SLCO1C1: variants seen among roughly 807,000 people sequenced by gnomAD.
SLCO1C1 encodes OAT-RP-5.
In SLCO1C1, 70 loss-of-function variants were observed where a neutral mutation model predicts 76.4. That is an observed-to-expected ratio of 0.92 (90% confidence interval 0.76 to 1.12). The LOEUF (loss-of-function observed/expected upper bound fraction) is 1.12. SLCO1C1 is among the 50% of genes most tolerant of loss of function. The probability of loss-of-function intolerance (pLI) is 0.00; values close to 1 mark genes in which losing one functional copy is unlikely to be tolerated. For synonymous variants in SLCO1C1, 306 were observed against 286.1 expected (o/e 1.07, Z -0.70); for missense variants, 912 against 823.8 (o/e 1.11, Z -1.31).
intron 9 of SLCO1C1, among the ~76,000 whole-genome samples, chr12:20,729,271 G>A (rs35523198): frequency 0.24 from 35,939 of 152,036 alleles, 4,541 homozygotes; most frequent in Non-Finnish European, 0.26. Context: ...TCAAGCCAAC[G>A]TTATATTTGA....
intron 13 of SLCO1C1, among the ~76,000 whole-genome samples, chr12:20,747,767 A>T (rs1554149): frequency 0.43 from 65,917 of 151,656 alleles, 17,004 homozygotes; most frequent in South Asian, 0.63. Flanking sequence ...TGGGGTTTCA[A>T]GCAAAATAGA....
intron 7 of SLCO1C1, among the ~76,000 whole-genome samples, chr12:20,719,031 C>T (rs775333365): frequency 3.3e-5 from 5 of 151,698 alleles, no homozygotes; most frequent in African/African-American, 7.3e-5. Context: ...ACTATTTTTC[C>T]GATAGCATGT....
intron 13 of SLCO1C1, among the ~76,000 whole-genome samples, chr12:20,744,859 A>G (rs944118444): frequency 1.3e-5 from 2 of 152,148 alleles, no homozygotes; most frequent in Non-Finnish European, 2.9e-5. Context: ...ATAGCAAAAA[A>G]CTGGAAGTGA....
chr12:20,704,370 C>T (rs944422326), intron 3 of SLCO1C1, among the ~76,000 whole-genome samples: 5 of 151,212 alleles, frequency 3.3e-5, no homozygotes, highest in Admixed American at 6.6e-5. Context: ...GGAGTGTAGG[C>T]GAGAATAGGA....
chr12:20,717,009 G>T (rs574452035), intron 6 of SLCO1C1, 123 bp from the exon 7 acceptor site: 12 of 768,500 alleles, frequency 1.6e-5, no homozygotes, highest in Middle Eastern at 3.1e-4. Context: ...CTAAACACAT[G>T]CAAATGAGTT....
At chr12:20,705,894 T>C in intron 3 of SLCO1C1, 55 bp from the exon 4 acceptor site, 1 of 1,560,428 alleles carries the variant, frequency 6.4e-7, no homozygotes, top group South Asian at 1.1e-5. Context: ...TCAGTTATGC[T>C]GTTGACTTCT....
intron 4 of SLCO1C1, among the ~76,000 whole-genome samples, chr12:20,706,394 A>T (rs1241933456): frequency 6.6e-6 from 1 of 152,140 alleles, no homozygotes; most frequent in African/African-American, 2.4e-5. Flanking sequence ...TTAACATGGT[A>T]AATGTCAAAT....
chr12:20,711,047 A>G (rs999800743), intron 4 of SLCO1C1, among the ~76,000 whole-genome samples: 3 of 152,184 alleles, frequency 2.0e-5, no homozygotes, highest in Non-Finnish European at 2.9e-5. Flanking sequence ...CATAAAATAC[A>G]CTAACAACAG....
intron 3 of SLCO1C1, among the ~76,000 whole-genome samples, chr12:20,702,685 C>T (rs61623220): frequency 0.043 from 6,454 of 151,738 alleles, 231 homozygotes; most frequent in African/African-American, 0.091. Context: ...CTACTGATGG[C>T]CCTGCACTGA....
At chr12:20,706,331 G>A (rs1946775191) in intron 4 of SLCO1C1, among the ~76,000 whole-genome samples, 1 of 152,006 alleles carries the variant, frequency 6.6e-6, no homozygotes, top group Admixed American at 6.6e-5. Context: ...TACATGTTTT[G>A]AGTCAAATGC....
intron 9 of SLCO1C1, among the ~76,000 whole-genome samples, chr12:20,730,457 TATTAAC>T (rs946134071): frequency 1.6e-4 from 24 of 152,240 alleles, no homozygotes; most frequent in African/African-American, 5.8e-4. Flanking sequence ...TAGGAAAAAA[TATTAAC>T]ATTAATTAAG....
intron 8 of SLCO1C1, among the ~76,000 whole-genome samples, chr12:20,722,755 TC>T (rs779525593): frequency 6.6e-6 from 1 of 152,220 alleles, no homozygotes; most frequent in Non-Finnish European, 1.5e-5. Context: ...TGCCTGTGGC[TC>T]CCAGCTAGAT....
At chr12:20,696,540 T>G (rs1265896523) in intron 1 of SLCO1C1, among the ~76,000 whole-genome samples, 1 of 152,086 alleles carries the variant, frequency 6.6e-6, no homozygotes, top group East Asian at 1.9e-4. Flanking sequence ...GACTGATTAT[T>G]CAATGTTTTT....
At chr12:20,739,871 G>C (rs902750921) in intron 11 of SLCO1C1, among the ~76,000 whole-genome samples, 1 of 152,114 alleles carries the variant, frequency 6.6e-6, no homozygotes, top group Non-Finnish European at 1.5e-5. Context: ...TAACAATCTA[G>C]GCAAGAAATC....
chr12:20,701,307 A>T lies in SLCO1C1; in HGVS notation c.130-11A>T, dbSNP rs775923703. On this transcript the variant is annotated splice_polypyrimidine_tract_variant and intron_variant, in intron 2 of 14. Transcript: ENST00000266509. ...GGAGTCAGACTAAGTGTGACCTGTC[A>T]TATTTTCCAGGTGTTCTTGTGTGCC... is the stretch of plus-strand genomic sequence containing the variant. 6.7e-7 allele frequency: 1 copy of T among 1,489,556 alleles called. No homozygotes were observed. Among genetic ancestry groups the T allele is most frequent in the Non-Finnish European group, 9.1e-7 (1 of 1,101,640 alleles). The allele number at this position is 1,489,556 out of a possible 1,614,324, so 92.3% of individuals were successfully genotyped here.
intron 7 of SLCO1C1, among the ~76,000 whole-genome samples, chr12:20,720,647 C>G (rs1947617450): frequency 2.0e-5 from 3 of 152,170 alleles, no homozygotes; most frequent in Non-Finnish European, 4.4e-5. Context: ...AACAGCAAGA[C>G]AACTATAATT....
intron 9 of SLCO1C1, among the ~76,000 whole-genome samples, chr12:20,724,087 G>T (rs1215037344): frequency 6.6e-6 from 1 of 151,910 alleles, no homozygotes; most frequent in Non-Finnish European, 1.5e-5. Context: ...AGTTTTAAAA[G>T]ATTTTTCTCC....
At chr12:20,697,912 C>A (rs900222925) in intron 1 of SLCO1C1, among the ~76,000 whole-genome samples, 3 of 152,022 alleles carry the variant, frequency 2.0e-5, no homozygotes, top group Admixed American at 6.6e-5. Context: ...TTATCTGTTT[C>A]CATTATCGGC....
chr12:20,717,382 C>A (rs1947413797), intron 7 of SLCO1C1, 152 bp downstream of exon 7: 1 of 515,486 alleles, frequency 1.9e-6, no homozygotes, highest in Non-Finnish European at 3.3e-6. Context: ...TATAGTTATA[C>A]AGATTAATAA....
Sources: allele counts gnomAD v4.1 joint callset (sites outside exome capture counted in the v4.1 genomes callset), GRCh38; gene constraint gnomAD v4.1.1; transcripts MANE v1.5; gene names NCBI Gene and HGNC (gene_info 2026-07-23, HGNC 2026-07-21).